GABRB1: variants seen among roughly 807,000 people sequenced by gnomAD.
GABRB1 encodes the protein gamma-aminobutyric acid type A receptor subunit beta1.
In GABRB1, 17 loss-of-function variants were observed where a neutral mutation model predicts 51.6. That is an observed-to-expected ratio of 0.33 (90% CI 0.23 to 0.49). The LOEUF (loss-of-function observed/expected upper bound fraction) is 0.49. Ranked by LOEUF, GABRB1 falls within the 20% of genes least tolerant of loss-of-function variation. The pLI is 0.99. For synonymous variants in GABRB1, 247 were observed against 218.9 expected (o/e 1.13, Z -1.14); for missense variants, 410 against 600.6 (o/e 0.68, Z 3.32).
At chr4:47,000,643 T>C (rs1264642079) in intron 1 of GABRB1, among the ~76,000 whole-genome samples, 3 of 152,320 alleles carry the variant, frequency 2.0e-5, no homozygotes, top group African/African-American at 7.2e-5. Context: ...AGATAGCTTA[T>C]TGCTTCACAT....
intron 3 of GABRB1, among the ~76,000 whole-genome samples, chr4:47,120,234 A>G (rs1715712428): frequency 6.6e-6 from 1 of 152,182 alleles, no homozygotes. Flanking sequence ...GAGCACCCAA[A>G]TATATAAAGC....
chr4:47,178,507 A>T (rs1718798191), intron 4 of GABRB1, among the ~76,000 whole-genome samples: 1 of 152,104 alleles, frequency 6.6e-6, no homozygotes, highest in Non-Finnish European at 1.5e-5. Flanking sequence ...AGTGGAGCTA[A>T]AGAAGAATAA....
chr4:47,120,146 G>C (rs1344369182), intron 3 of GABRB1, among the ~76,000 whole-genome samples: 1 of 152,026 alleles, frequency 6.6e-6, no homozygotes, highest in Non-Finnish European at 1.5e-5. Flanking sequence ...TTATAAAGCA[G>C]TCAATTCAGC....
chr4:47,172,586 G>C (rs1718483875), intron 4 of GABRB1, among the ~76,000 whole-genome samples: 1 of 147,966 alleles, frequency 6.8e-6, no homozygotes, highest in Admixed American at 6.7e-5. Context: ...GTTTAATGAA[G>C]TAGGCCTTGC....
chr4:46,994,494 G>GACAGAGAC (rs1560488794), intron 1 of GABRB1: 1 of 145,996 alleles, frequency 6.8e-6, no homozygotes, highest in African/African-American at 2.6e-5. Flanking sequence ...GAGAGAGAGA[G>GACAGAGAC]AGAGAGAGAC....
chr4:47,400,741 A>C (rs2110048321), intron 5 of GABRB1, among the ~76,000 whole-genome samples: 2 of 152,072 alleles, frequency 1.3e-5, no homozygotes, highest in East Asian at 3.9e-4. Context: ...CCCACTTCTG[A>C]GTCTCCAACA....
At chr4:47,259,919 A>G (rs1722361211) in intron 4 of GABRB1, among the ~76,000 whole-genome samples, 1 of 152,184 alleles carries the variant, frequency 6.6e-6, no homozygotes, top group South Asian at 2.1e-4. Flanking sequence ...TGATGTTGAC[A>G]GTGGGGTGTT....
At chr4:47,128,190 G>A (rs1716250030) in intron 3 of GABRB1, among the ~76,000 whole-genome samples, 2 of 151,674 alleles carry the variant, frequency 1.3e-5, no homozygotes, top group South Asian at 4.2e-4. Context: ...TTATATCTTG[G>A]ACTAAATTAA....
chr4:47,192,549 C>T (rs1719480042), intron 4 of GABRB1, among the ~76,000 whole-genome samples: 1 of 151,954 alleles, frequency 6.6e-6, no homozygotes, highest in African/African-American at 2.4e-5. Flanking sequence ...TTAAGATGTC[C>T]ATACTATCAA....
chr4:47,073,174 G>GT (rs1727409675), intron 3 of GABRB1, among the ~76,000 whole-genome samples: 3 of 152,256 alleles, frequency 2.0e-5, no homozygotes, highest in South Asian at 2.1e-4. Context: ...AATTGTGGAG[G>GT]CATAAGGAAG....
intron 3 of GABRB1, among the ~76,000 whole-genome samples, chr4:47,078,682 T>C (rs978722895): frequency 2.0e-5 from 3 of 152,200 alleles, no homozygotes; most frequent in Admixed American, 2.0e-4. Context: ...AGGATACCTT[T>C]TTCAGCTCTA....
intron 3 of GABRB1, among the ~76,000 whole-genome samples, chr4:47,063,883 A>G (rs1228476015): frequency 6.6e-6 from 1 of 151,528 alleles, no homozygotes; most frequent in African/African-American, 2.4e-5. Flanking sequence ...GGGGCCTGTC[A>G]GGGGAGGGCA....
At chr4:47,408,578 G>A (rs1418866037) in intron 8 of GABRB1, among the ~76,000 whole-genome samples, 1 of 152,144 alleles carries the variant, frequency 6.6e-6, no homozygotes, top group Non-Finnish European at 1.5e-5. Flanking sequence ...GGGGAGAGAA[G>A]TAGACAAGAT....
intron 3 of GABRB1, among the ~76,000 whole-genome samples, chr4:47,136,997 A>G (rs1232871357): frequency 6.6e-6 from 1 of 152,156 alleles, no homozygotes; most frequent in Non-Finnish European, 1.5e-5. Flanking sequence ...TTGTACAAAG[A>G]GAGACAAGGA....
chr4:47,232,148 A>G (rs1405933053), intron 4 of GABRB1, among the ~76,000 whole-genome samples: 1 of 152,090 alleles, frequency 6.6e-6, no homozygotes, highest in East Asian at 1.9e-4. Flanking sequence ...TGCTTTTAAT[A>G]AGTTTCCAAT....
chr4:47,350,127 A>G (rs1409398150), intron 5 of GABRB1, among the ~76,000 whole-genome samples: 1 of 145,050 alleles, frequency 6.9e-6, no homozygotes, highest in Non-Finnish European at 1.5e-5. Context: ...TGTATTTATT[A>G]CTTTACATTA....
chr4:47,009,692 G>A (rs1724533216), intron 1 of GABRB1, among the ~76,000 whole-genome samples: 1 of 152,184 alleles, frequency 6.6e-6, no homozygotes, highest in Non-Finnish European at 1.5e-5. Context: ...TTGATTGTAG[G>A]AGTGGAGAAG....
chr4:47,413,662 C>T (rs1195477554), intron 8 of GABRB1, among the ~76,000 whole-genome samples: 3 of 152,156 alleles, frequency 2.0e-5, no homozygotes, highest in Non-Finnish European at 4.4e-5. Flanking sequence ...TCAGTATTTG[C>T]CTTGGTTCAC....
chr4:47,285,955 A>G (rs914009560), intron 4 of GABRB1, among the ~76,000 whole-genome samples: 1 of 152,246 alleles, frequency 6.6e-6, no homozygotes, highest in African/African-American at 2.4e-5. Flanking sequence ...TCACTAATTA[A>G]TTTGCAATAC....
Sources: allele counts gnomAD v4.1 joint callset (sites outside exome capture counted in the v4.1 genomes callset), GRCh38; gene constraint gnomAD v4.1.1; transcripts MANE v1.5; gene names NCBI Gene and HGNC (gene_info 2026-07-23, HGNC 2026-07-21).